Variants in ADAM9 observed in about 807,000 individuals in gnomAD.
ADAM9 encodes the protein ADAM metallopeptidase domain 9.
ADAM9 carries 54 observed loss-of-function variants against 108.1 expected under a neutral mutation model. That is an observed-to-expected ratio of 0.50 (90% CI 0.40 to 0.63). The LOEUF is 0.63. Among genes scored for constraint, ADAM9 ranks in the 20% least tolerant of loss-of-function variants. The probability of loss-of-function intolerance (pLI) is 0.00; values close to 1 mark genes in which losing one functional copy is unlikely to be tolerated. For synonymous variants in ADAM9, 316 were observed against 336.0 expected (o/e 0.94, Z 0.65); for missense variants, 830 against 997.7 (o/e 0.83, Z 2.26).
At chr8:39,074,193 GA>G (rs1412052764) in intron 15 of ADAM9, among the ~76,000 whole-genome samples, 1 of 152,086 alleles carries the variant, frequency 6.6e-6, no homozygotes, top group East Asian at 1.9e-4. Context: ...AACATTTAAA[GA>G]AAGGATTCAC....
In ADAM9 at chr8:39,071,689, T is replaced by C. The variant is rs184896181; in HGVS notation, c.1697+286T>C. Among the ~76,000 whole-genome samples the C allele has an allele frequency of 5.3e-5, 8 of 152,210 alleles. No individual in the cohort carries two copies. In the East Asian group the frequency reaches 1.2e-3, roughly 22 times the overall value. ...ACCATGTTGGCCAGGATGGTCTTGA[T>C]CTCCTGACTTCGTGATCCGCTCGCC... is the stretch of plus-strand genomic sequence containing the variant. On this transcript the variant is annotated intron_variant, in intron 15 of 21. Transcript: ENST00000487273.
intron 11 of ADAM9, 45 bp downstream of exon 11, chr8:39,026,855 C>A (rs1387711185): frequency 6.2e-7 from 1 of 1,609,610 alleles, no homozygotes; most frequent in South Asian, 1.1e-5. Context: ...TATTGTAGAT[C>A]CATGTTTCTT....
At chr8:39,045,441 T>C (rs1220692253) in intron 12 of ADAM9, among the ~76,000 whole-genome samples, 26 of 148,102 alleles carry the variant, frequency 1.8e-4, no homozygotes, top group African/African-American at 6.7e-4. Context: ...TATGTGCGCG[T>C]GTGTACACAC....
intron 12 of ADAM9, among the ~76,000 whole-genome samples, chr8:39,045,184 A>ATACATACATATATGTGTATATATGTGTC (rs1837644445): frequency 8.2e-6 from 1 of 121,812 alleles, no homozygotes; most frequent in African/African-American, 2.8e-5. Flanking sequence ...ATATATGTGT[A>ATACATACATATATGTGTATATATGTGTC]TACATACATA....
At position 39,054,541 on chromosome 8, in the gene ADAM9, T is replaced by C; in HGVS notation, c.1363T>C (p.Cys455Arg). 6.2e-7 allele frequency: 1 copy of C among 1,610,488 alleles called. No individual in the cohort carries two copies. The highest frequency in any genetic ancestry group is 1.7e-5 in the Admixed American group (1 of 59,514). The change falls in exon 13 of 22, where the codon TGT becomes CGT. Residue 455 changes from cysteine to arginine, a missense_variant. Physicochemically the swap from Cys to Arg is radical, Grantham distance 180. Transcript: ENST00000487273. Reference sequence around the variant, plus strand: ...CTGTAAGCTTAAATCATTTGCTGAGTGTGCATATGGTGACTGTTGTAAAGA... The same window carrying C: ...CTGTAAGCTTAAATCATTTGCTGAGCGTGCATATGGTGACTGTTGTAAAGA... Reference protein sequence around the residue: ...STCKLKSFAECAYGDCCKDCR... With the variant: ...STCKLKSFAERAYGDCCKDCR...
intron 15 of ADAM9, among the ~76,000 whole-genome samples, chr8:39,075,503 TTG>T (rs879439129): frequency 6.6e-6 from 1 of 152,202 alleles, no homozygotes; most frequent in Admixed American, 6.5e-5. Context: ...TAACTGAATT[TTG>T]TTTCTGTTAG....
chr8:39,074,073 A>G lies in ADAM9; in HGVS notation c.1697+2670A>G, dbSNP rs79357843. 8.3e-4 allele frequency among the ~76,000 whole-genome samples: 127 copies of G among 152,272 alleles called. No individual in the cohort carries two copies. The East Asian group carries it at 0.018, about 22-fold the overall frequency. On this transcript the variant is annotated intron_variant, in intron 15 of 21. Transcript: ENST00000487273. Reference sequence around the variant, plus strand: ...TAGTACTAAGAGGAATATCTGGTTCATTGTCACATTCATCATCATCATCAC... The same window carrying G: ...TAGTACTAAGAGGAATATCTGGTTCGTTGTCACATTCATCATCATCATCAC...
At chr8:39,041,921 A>C (rs762854988) in intron 11 of ADAM9, 25 bp from the exon 12 acceptor site, 27 of 1,609,732 alleles carry the variant, frequency 1.7e-5, no homozygotes, top group African/African-American at 2.7e-5. Flanking sequence ...TGTGACATAG[A>C]TCTTTTTCTT....
At chr8:39,065,204 T>G (rs1266834861) in intron 14 of ADAM9, among the ~76,000 whole-genome samples, 2 of 145,278 alleles carry the variant, frequency 1.4e-5, no homozygotes, top group Non-Finnish European at 1.5e-5. Flanking sequence ...TTATCTGTGT[T>G]TTTTTTTGTT....
intron 2 of ADAM9, among the ~76,000 whole-genome samples, chr8:39,011,132 C>G (rs1836342515): frequency 6.6e-6 from 1 of 150,708 alleles, no homozygotes; most frequent in Non-Finnish European, 1.5e-5. Context: ...GCTAGTTAGT[C>G]TAGACTGCTT....
intron 7 of ADAM9, among the ~76,000 whole-genome samples, chr8:39,020,113 A>G (rs1279085015): frequency 6.6e-6 from 1 of 152,132 alleles, no homozygotes; most frequent in Non-Finnish European, 1.5e-5. Context: ...GTGAAATCCC[A>G]TCTCTCCTAA....
chr8:39,076,519 A>C (rs1838854541), intron 15 of ADAM9, among the ~76,000 whole-genome samples: 2 of 152,222 alleles, frequency 1.3e-5, no homozygotes, highest in South Asian at 4.1e-4. Context: ...CAGTGATATC[A>C]TAGAGAAGAT....
intron 11 of ADAM9, among the ~76,000 whole-genome samples, chr8:39,037,134 G>A (rs963882909): frequency 6.3e-4 from 81 of 128,916 alleles, no homozygotes; most frequent in Non-Finnish European, 5.4e-4. Flanking sequence ...TCGGCTCACT[G>A]CAAGCTCTGC....
intron 11 of ADAM9, among the ~76,000 whole-genome samples, chr8:39,032,912 T>C (rs1465697286): frequency 6.6e-6 from 1 of 152,234 alleles, no homozygotes; most frequent in Non-Finnish European, 1.5e-5. Flanking sequence ...CTATTCTGGG[T>C]CTTTTGCCAC....
In ADAM9 at chr8:39,103,596, TC is replaced by T. The variant is rs1389102468; in HGVS notation, c.2367-7del. ...TAAACACTCTATTAACTATCTCTTT[TC>T]CCCTCGCAGGCCACCTCCACCACAA... is the stretch of plus-strand genomic sequence containing the variant. On this transcript the variant is annotated splice_polypyrimidine_tract_variant and intron_variant, in intron 21 of 21. Transcript: ENST00000487273. 2 of 1,613,238 alleles carry T rather than the reference TC, an allele frequency of 1.2e-6. No homozygotes were observed. Among genetic ancestry groups the T allele is most frequent in the Non-Finnish European group, 1.7e-6 (2 of 1,179,362 alleles).
intron 15 of ADAM9, among the ~76,000 whole-genome samples, chr8:39,076,579 A>T (rs1473490665): frequency 2.0e-5 from 3 of 152,168 alleles, no homozygotes; most frequent in Non-Finnish European, 4.4e-5. Context: ...TTAAACAGGA[A>T]ATCTCAGTAC....
At chr8:39,039,249 A>G (rs1005482376) in intron 11 of ADAM9, among the ~76,000 whole-genome samples, 9 of 152,206 alleles carry the variant, frequency 5.9e-5, no homozygotes, top group African/African-American at 2.2e-4. Flanking sequence ...GATTCAGGGT[A>G]CCAAATTCCC....
intron 20 of ADAM9, among the ~76,000 whole-genome samples, chr8:39,095,236 G>A (rs1358842164): frequency 6.6e-6 from 1 of 152,086 alleles, no homozygotes; most frequent in Non-Finnish European, 1.5e-5. Flanking sequence ...CCACATATAG[G>A]AAAAGTTGGC....
At chr8:39,011,740 C>T (rs1836362170) in intron 3 of ADAM9, 24 bp downstream of exon 3, 1 of 1,585,756 alleles carries the variant, frequency 6.3e-7, no homozygotes, top group Admixed American at 1.7e-5. Flanking sequence ...TTTATTTTGG[C>T]TTTTCAGTAA....
Sources: gnomAD v4.1 joint callset for allele counts (sites outside exome capture counted in the v4.1 genomes callset) on GRCh38, gnomAD v4.1.1 for gene constraint, MANE v1.5 for transcripts, NCBI Gene and HGNC (gene_info 2026-07-23, HGNC 2026-07-21) for gene names.